The following SP140 variants were observed in gnomAD, a reference collection of about 807,000 sequenced individuals.
The protein encoded by SP140 is SP140 nuclear body protein, also known as nuclear body protein SP140.
SP140 carries 81 observed loss-of-function variants against 125.0 expected under a neutral mutation model. The observed-to-expected ratio is 0.65, with a 90% CI of 0.54 to 0.78. The LOEUF is 0.78. Ranked by LOEUF, SP140 falls within the 30% of genes least tolerant of loss-of-function variation. The pLI, the probability that SP140 is intolerant of heterozygous loss-of-function variation, is 0.00. For missense variants in SP140, 858 were observed against 1,037.0 expected (o/e 0.83, Z 2.37); for synonymous variants, 312 against 354.0 (o/e 0.88, Z 1.33).
upstream of SP140, chr2:230,221,581 G>T: frequency 2.0e-6 from 2 of 980,626 alleles, no homozygotes; most frequent in Non-Finnish European, 3.1e-6. Context: ...AAAATTCAAT[G>T]CTAACAGCTG....
At chr2:230,245,986 A>C (rs2149178719) in intron 7 of SP140, 46 bp downstream of exon 7, 1 of 1,130,626 alleles carries the variant, frequency 8.8e-7, no homozygotes, top group South Asian at 1.2e-5. Flanking sequence ...TCAACATACA[A>C]AAACACCTAC....
upstream of SP140, among the ~76,000 whole-genome samples, chr2:230,201,851 T>A (rs534445934): frequency 7.8e-4 from 119 of 152,382 alleles, no homozygotes; most frequent in African/African-American, 2.7e-3. Flanking sequence ...ACATTACAAC[T>A]AATATTTAAG....
At chr2:230,233,591 C>T (rs972068374) in intron 1 of SP140, among the ~76,000 whole-genome samples, 11 of 151,742 alleles carry the variant, frequency 7.2e-5, no homozygotes, top group African/African-American at 2.2e-4. Flanking sequence ...TTGCTATTTA[C>T]GATATTAGAA....
chr2:230,255,298 A>G (rs1363805505), intron 11 of SP140, among the ~76,000 whole-genome samples, 154 bp from the exon 12 acceptor site: 1 of 152,220 alleles, frequency 6.6e-6, no homozygotes, highest in African/African-American at 2.4e-5. Flanking sequence ...CCTACAGGCC[A>G]GGTGAACCCA....
At chr2:230,230,995 A>G (rs1227826538) in intron 1 of SP140, among the ~76,000 whole-genome samples, 4 of 151,388 alleles carry the variant, frequency 2.6e-5, no homozygotes, top group Non-Finnish European at 1.5e-5. Flanking sequence ...CTTTTGACAT[A>G]TCTTCAATTC....
rs766030429 is a variant in SP140, at chr2:230,247,953, A to G, written c.780A>G (p.Thr260=). The change falls in exon 8 of 27, where the codon ACA becomes ACG. Residue 260 remains threonine, a synonymous_variant. Transcript: ENST00000392045. The part of the protein sequence containing the change: ...ESNGMIDAAR[T]YSTAPGEKQG... ...ACGGGATGATAGATGCGGCAAGGAC[A>G]TACAGCACAGCACCAGGGGAGAAAC... 1 of 1,613,986 alleles carries G rather than the reference A, an allele frequency of 6.2e-7. No homozygotes were observed. Among genetic ancestry groups the G allele is most frequent in the Non-Finnish European group, 8.5e-7 (1 of 1,179,900 alleles).
intron 1 of SP140, among the ~76,000 whole-genome samples, chr2:230,229,364 A>G (rs895883528): frequency 6.7e-6 from 1 of 149,536 alleles, no homozygotes; most frequent in Non-Finnish European, 1.5e-5. Context: ...ATTTTATTAT[A>G]TCTGCATTTA....
chr2:230,285,938 A>T (rs2056327895), intron 17 of SP140, 106 bp downstream of exon 17: 2 of 810,684 alleles, frequency 2.5e-6, no homozygotes, highest in Non-Finnish European at 4.1e-6. Flanking sequence ...CATCAAGCTT[A>T]GTCAATTGGA....
At chr2:230,279,443 C>T (rs1201722556) in intron 15 of SP140, among the ~76,000 whole-genome samples, 2 of 151,964 alleles carry the variant, frequency 1.3e-5, no homozygotes, top group African/African-American at 4.8e-5. Flanking sequence ...TAATCAAAAC[C>T]ATATGGTACT....
Position 230,248,958 on chromosome 2 carries a change from T to A in SP140, c.966T>A (p.Gly322=), listed in dbSNP as rs1176248793. ...EPEKGLCLLP[G]EGEEGSDDCS... ...AGAAGGGGCTCTGTCTACTACCAGG[T>A]GAAGGAGAAGGTAATTATGATTTAA... Residue 322 remains glycine (G), a synonymous_variant, in exon 9 of 27, where the codon GGT becomes GGA. Transcript: ENST00000392045. 1 of 1,608,766 alleles carries A rather than the reference T, an allele frequency of 6.2e-7. No homozygotes were observed. The highest frequency in any genetic ancestry group is 1.3e-5 in the African/African-American group (1 of 74,830).
At chr2:230,256,661 T>TA (rs1490768265) in intron 12 of SP140, among the ~76,000 whole-genome samples, 2 of 152,126 alleles carry the variant, frequency 1.3e-5, no homozygotes. Flanking sequence ...CCCTAAAACT[T>TA]AAAGTATAAT....
At chr2:230,263,417 C>G (rs2052588722) in intron 12 of SP140, among the ~76,000 whole-genome samples, 1 of 152,156 alleles carries the variant, frequency 6.6e-6, no homozygotes, top group Non-Finnish European at 1.5e-5. Context: ...TTCTGTGGTT[C>G]TGTATCTTTT....
Position 230,237,525 on chromosome 2 carries a change from C to T in SP140, c.237+265C>T, listed in dbSNP as rs574034475. ...GCAGATCATCCTAGGTACTTGTAAA[C>T]AATCTACTAATGGTAGCCATAATTA... On this transcript the variant is annotated intron_variant, in intron 2 of 26. Coordinates refer to ENST00000392045, the MANE Select transcript of SP140 (RefSeq NM_007237.5). The surrounding 1 kb of genome is among the most constrained non-coding windows in gnomAD (Gnocchi z 5.4). 9.3e-6 allele frequency: 3 copies of T among 322,962 alleles called. No homozygotes were observed. The highest frequency in any genetic ancestry group is 1.7e-5 in the Non-Finnish European group (3 of 178,172). The allele number at this position is 322,962 out of a possible 1,614,324, so 20.0% of individuals were successfully genotyped here. A position where few individuals can be genotyped will look rare whatever the true frequency, so the allele number is the denominator to read the frequency against.
At chr2:230,290,399 A>G (rs1413530405) in intron 18 of SP140, 61 bp from the exon 19 acceptor site, 1 of 1,447,566 alleles carries the variant, frequency 6.9e-7, no homozygotes, top group African/African-American at 1.4e-5. Flanking sequence ...GAATTACCTC[A>G]GTAGGGAGGG....
upstream of SP140, among the ~76,000 whole-genome samples, chr2:230,198,845 A>T (rs1480923474): frequency 6.6e-6 from 1 of 152,006 alleles, no homozygotes; most frequent in Admixed American, 6.6e-5. Flanking sequence ...TGATCCACCC[A>T]CCTCGGCCTC....
At chr2:230,203,859 G>A (rs951262059) in intron 1 of SP140, among the ~76,000 whole-genome samples, 1 of 152,148 alleles carries the variant, frequency 6.6e-6, no homozygotes, top group Non-Finnish European at 1.5e-5. Context: ...ATGGGGAGTT[G>A]TTTAATGGGT....
the SP140 span, among the ~76,000 whole-genome samples, chr2:230,186,536 G>A: frequency 2.6e-5 from 4 of 152,182 alleles, no homozygotes; most frequent in South Asian, 2.1e-4. Context: ...AGCTTTTGGG[G>A]TACAAGTGGT....
chr2:230,257,346 T>C (rs946256925), intron 12 of SP140, among the ~76,000 whole-genome samples: 1 of 148,522 alleles, frequency 6.7e-6, no homozygotes, highest in East Asian at 1.9e-4. Context: ...GAAAAGTATA[T>C]GTAGCACATC....
At chr2:230,245,772 T>C (rs1291513957) in intron 6 of SP140, 91 bp from the exon 7 acceptor site, 2 of 821,746 alleles carry the variant, frequency 2.4e-6, no homozygotes, top group Non-Finnish European at 4.2e-6. Context: ...CAGGGAGCAG[T>C]TCTACACCCG....
Sources: allele counts gnomAD v4.1 joint callset (sites outside exome capture counted in the v4.1 genomes callset), GRCh38; gene constraint gnomAD v4.1.1; non-coding constraint Gnocchi (gnomAD v3.1); transcripts MANE v1.5; gene names NCBI Gene and HGNC (gene_info 2026-07-23, HGNC 2026-07-21).